The following PTCHD4 variants were observed in gnomAD, a reference collection of about 807,000 sequenced individuals.
PTCHD4 encodes patched domain containing 4, also known as patched domain-containing protein 4.
PTCHD4 carries 33 observed loss-of-function variants against 58.1 expected under a neutral mutation model. The observed-to-expected ratio is 0.57, with a 90% confidence interval of 0.43 to 0.76. PTCHD4 has a LOEUF of 0.76. PTCHD4 is among the 30% of genes least tolerant of loss of function. The pLI, the probability that PTCHD4 is intolerant of heterozygous loss-of-function variation, is 0.00. For missense variants in PTCHD4, 1,058 were observed against 1,027.1 expected, an observed-to-expected ratio of 1.03 and a Z score of -0.41; for synonymous variants, 478 against 409.6, an observed-to-expected ratio of 1.17 and a Z score of -2.02.
chr6:48,076,266 C>A (rs929785528), intron 1 of PTCHD4, among the ~76,000 whole-genome samples: 1 of 152,236 alleles, frequency 6.6e-6, no homozygotes, highest in Non-Finnish European at 1.5e-5. Context: ...TTTGCTATTT[C>A]TACCACATCT....
intron 4 of PTCHD4, among the ~76,000 whole-genome samples, chr6:47,998,414 A>G (rs1225182132): frequency 1.3e-5 from 2 of 152,178 alleles, no homozygotes; most frequent in Non-Finnish European, 2.9e-5. Flanking sequence ...CCATTTAAAA[A>G]ATCTAAACTA....
At chr6:47,909,880 T>C (rs1227918589) in intron 4 of PTCHD4, among the ~76,000 whole-genome samples, 1 of 152,168 alleles carries the variant, frequency 6.6e-6, no homozygotes, top group Non-Finnish European at 1.5e-5. Flanking sequence ...GCCCCAGCTA[T>C]GGTTTGGCAT....
Position 47,879,347 on chromosome 6 carries a change from C to G in PTCHD4, c.1488G>C (p.Ser496=). 1.2e-6 allele frequency: 2 copies of G among 1,613,190 alleles called. No homozygotes were observed. The highest frequency in any genetic ancestry group is 1.7e-6 in the Non-Finnish European group (2 of 1,179,574). Reference sequence around the variant, plus strand: ...GAACCATGGCATAGGAAACACTTGGCGAATCACTGGCTAGTAGATTGATGA... The same window carrying G: ...GAACCATGGCATAGGAAACACTTGGGGAATCACTGGCTAGTAGATTGATGA... ...ANIINLLASD[S]PSVSYAMVQQ... The change falls in exon 5 of 5, where the codon TCG becomes TCC. Residue 496 remains serine (S), a synonymous_variant. Transcript: ENST00000339488.
chr6:48,088,815 G>A (rs750937733), intron 1 of PTCHD4, among the ~76,000 whole-genome samples: 1 of 152,068 alleles, frequency 6.6e-6, no homozygotes, highest in Non-Finnish European at 1.5e-5. Flanking sequence ...AGGCCGAGGC[G>A]GGTGGATTAC....
At chr6:47,962,228 AT>A (rs1382840540) in intron 4 of PTCHD4, among the ~76,000 whole-genome samples, 1 of 152,172 alleles carries the variant, frequency 6.6e-6, no homozygotes, top group Non-Finnish European at 1.5e-5. Context: ...CAAAGTCAAG[AT>A]TTCATTCTTG....
chr6:48,012,634 G>T (rs912177477), intron 3 of PTCHD4, among the ~76,000 whole-genome samples: 7 of 152,160 alleles, frequency 4.6e-5, no homozygotes, highest in African/African-American at 1.7e-4. Context: ...GTGAAAGAGG[G>T]CATCCTTATT....
At chr6:47,912,604 G>GT (rs1189212361) in intron 4 of PTCHD4, among the ~76,000 whole-genome samples, 4 of 151,798 alleles carry the variant, frequency 2.6e-5, no homozygotes, top group African/African-American at 9.7e-5. Flanking sequence ...TTCTTTGAAT[G>GT]TTTTCTTTTT....
rs998265900 is a variant in PTCHD4, at chr6:47,859,433, T to C, written c.*18870A>G. Among the ~76,000 whole-genome samples, 5 of 152,046 alleles carry C rather than the reference T, an allele frequency of 3.3e-5. No homozygotes were observed. The highest frequency in any genetic ancestry group is 1.2e-4 in the African/African-American group (5 of 41,430). On this transcript the variant is annotated 3_prime_UTR_variant, in exon 5 of 5. Transcript: ENST00000339488. ...GGCAAACAACTTTCAAATGTATCAG[T>C]AAGTTTACCTTAAAATGACTTACTA...
Position 47,883,942 on chromosome 6 carries a change from C to T in PTCHD4, c.899-4006G>A, listed in dbSNP as rs566995607. 2.6e-5 allele frequency among the ~76,000 whole-genome samples: 4 copies of T among 152,278 alleles called. No individual in the cohort carries two copies. In the East Asian group the frequency reaches 7.7e-4, roughly 29 times the overall value. ...AATTATCTGTTTCTGATTATAAAATCAGGATACATTTCCATGGAAAATTTG... is the reference window on the plus strand; with the variant it reads ...AATTATCTGTTTCTGATTATAAAATTAGGATACATTTCCATGGAAAATTTG... On this transcript the variant is annotated intron_variant, in intron 4 of 4. Coordinates refer to ENST00000339488, the MANE Select transcript of PTCHD4 (RefSeq NM_001384253.1).
rs192197881 is a variant in PTCHD4 at position 48,016,197 on chromosome 6, G to T, written c.418-7083C>A. 2.3e-3 allele frequency among the ~76,000 whole-genome samples: 348 copies of T among 152,016 alleles called. 2 individuals carry two copies. Among genetic ancestry groups the T allele is most frequent in the Non-Finnish European group, 4.1e-3 (278 of 68,008 alleles). On this transcript the variant is annotated intron_variant, in intron 3 of 4. Transcript: ENST00000339488. ...AAAGAATTTGCATGTATCATGGCCC[G>T]CAGGCAAAAGCCAGCGTAAGATGCT...
intron 3 of PTCHD4, among the ~76,000 whole-genome samples, chr6:48,037,260 T>C (rs1763672138): frequency 6.6e-6 from 1 of 152,188 alleles, no homozygotes; most frequent in African/African-American, 2.4e-5. Flanking sequence ...TTAGTTATTG[T>C]CAATATATTA....
At chr6:47,957,612 T>A (rs150832527) in intron 4 of PTCHD4, among the ~76,000 whole-genome samples, 2,634 of 150,770 alleles carry the variant, frequency 0.017, 29 homozygotes, top group South Asian at 0.049. Flanking sequence ...TTTTATTTTT[T>A]TTTTTGGAGA....
chr6:48,007,167 G>C (rs2114077920), intron 4 of PTCHD4, among the ~76,000 whole-genome samples: 1 of 152,240 alleles, frequency 6.6e-6, no homozygotes, highest in South Asian at 2.1e-4. Context: ...TTGAACCTGA[G>C]CAAGAGAGGT....
chr6:48,102,192 G>A (rs1255308944), intron 1 of PTCHD4, among the ~76,000 whole-genome samples: 2 of 152,198 alleles, frequency 1.3e-5, no homozygotes, highest in Non-Finnish European at 1.5e-5. Flanking sequence ...CTTCCTTGTA[G>A]GAGAGAGACA....
chr6:47,982,791 G>C (rs1767933594), intron 4 of PTCHD4, among the ~76,000 whole-genome samples: 1 of 152,084 alleles, frequency 6.6e-6, no homozygotes, highest in Non-Finnish European at 1.5e-5. Flanking sequence ...CCAGCCGTCT[G>C]TTTTATCTCT....
chr6:47,939,978 G>A (rs1766149059), intron 4 of PTCHD4, among the ~76,000 whole-genome samples: 1 of 151,944 alleles, frequency 6.6e-6, no homozygotes, highest in South Asian at 2.1e-4. Flanking sequence ...CATAACAAAG[G>A]GAACTTTTGG....
In PTCHD4 at chr6:48,061,818, A is replaced by T. The variant is rs75778316; in HGVS notation, c.417+6412T>A. ...TGTAAATGTACCCTTGTCCACCAGCACACTGGCAGAAACACTCTAGAGAAA... is the reference window on the plus strand; with the variant it reads ...TGTAAATGTACCCTTGTCCACCAGCTCACTGGCAGAAACACTCTAGAGAAA... On this transcript the variant is annotated intron_variant, in intron 3 of 4. Transcript: ENST00000339488. 8.5e-5 allele frequency among the ~76,000 whole-genome samples: 13 copies of T among 152,326 alleles called. No homozygotes were observed. The East Asian group carries it at 2.5e-3, about 29-fold the overall frequency.
At chr6:48,070,557 G>A (rs1031802507) in intron 1 of PTCHD4, among the ~76,000 whole-genome samples, 3 of 152,098 alleles carry the variant, frequency 2.0e-5, no homozygotes, top group East Asian at 1.9e-4. Context: ...TGACCTTGGC[G>A]GCCATTCTGT....
intron 4 of PTCHD4, among the ~76,000 whole-genome samples, chr6:47,975,045 G>C (rs995342848): frequency 6.6e-6 from 1 of 152,120 alleles, no homozygotes; most frequent in South Asian, 2.1e-4. Context: ...ATCTCCTCTG[G>C]GAAGCCTTCT....
Sources: allele counts gnomAD v4.1 joint callset (sites outside exome capture counted in the v4.1 genomes callset), GRCh38; gene constraint gnomAD v4.1.1; transcripts MANE v1.5; gene names NCBI Gene and HGNC (gene_info 2026-07-23, HGNC 2026-07-21).